The following ANKRD28 variants were observed in gnomAD, a reference collection of about 807,000 sequenced individuals.
ANKRD28 encodes the protein ankyrin repeat domain 28.
In ANKRD28, 44 loss-of-function variants were observed where a neutral mutation model predicts 126.5. That is an observed-to-expected ratio of 0.35 (90% confidence interval 0.27 to 0.45). The LOEUF is 0.45. Ranked by LOEUF, ANKRD28 falls within the 20% of genes least tolerant of loss-of-function variation. The pLI is 1.00. For synonymous variants in ANKRD28, 442 were observed against 468.5 expected (o/e 0.94, Z 0.73); for missense variants, 1,110 against 1,316.6 (o/e 0.84, Z 2.43).
rs148189292 is a variant in ANKRD28, at chr3:15,677,155, C to T, written c.2791-99G>A. ...ATCCTAGTCCATATATTATGTACAA[C>T]ACCATACATATACCATGAATTTTCC... On this transcript the variant is annotated intron_variant, in intron 25 of 27. Transcript: ENST00000683139. The T allele has an allele frequency of 2.1e-4, 193 of 909,944 alleles. No individual in the cohort carries two copies. The African/African-American group carries it at 3.0e-3, about 14-fold the overall frequency. 56.4% of individuals were successfully genotyped at this position (909,944 alleles called of 1,614,324 possible). A position where few individuals can be genotyped will look rare whatever the true frequency, so the allele number is the denominator to read the frequency against.
intron 2 of ANKRD28, among the ~76,000 whole-genome samples, chr3:15,776,679 G>GT (rs1437556160): frequency 6.6e-6 from 1 of 152,156 alleles, no homozygotes; most frequent in Non-Finnish European, 1.5e-5. Context: ...TGCTAATGAT[G>GT]TTCTGTTTTC....
At chr3:15,755,511 C>T (rs1022073264) in intron 3 of ANKRD28, among the ~76,000 whole-genome samples, 2 of 152,130 alleles carry the variant, frequency 1.3e-5, no homozygotes, top group Non-Finnish European at 2.9e-5. Flanking sequence ...TCTATATATT[C>T]ATATATACTT....
chr3:15,726,525 G>C (rs2074175863), intron 6 of ANKRD28, among the ~76,000 whole-genome samples: 1 of 152,212 alleles, frequency 6.6e-6, no homozygotes, highest in Non-Finnish European at 1.5e-5. Flanking sequence ...GGCTGAGAAA[G>C]GTTAGGAAGC....
At chr3:15,719,555 A>G (rs1166212839) in intron 8 of ANKRD28, among the ~76,000 whole-genome samples, 1 of 152,140 alleles carries the variant, frequency 6.6e-6, no homozygotes, top group Non-Finnish European at 1.5e-5. Flanking sequence ...TAGTGAAAGC[A>G]TATTTATTTG....
chr3:15,818,411 G>C (rs1478805522), intron 1 of ANKRD28, among the ~76,000 whole-genome samples: 1 of 152,192 alleles, frequency 6.6e-6, no homozygotes, highest in South Asian at 2.1e-4. Flanking sequence ...TGGGTTACAC[G>C]TATAAGATGT....
At chr3:15,840,566 A>G (rs539097423) in intron 1 of ANKRD28, among the ~76,000 whole-genome samples, 5 of 152,350 alleles carry the variant, frequency 3.3e-5, no homozygotes, top group Middle Eastern at 6.8e-3. Context: ...TGGAACAACA[A>G]AAGACCCAGA....
In ANKRD28 at chr3:15,814,801, C is replaced by T. The variant is rs923454989; in HGVS notation, c.28-19495G>A. The stretch of plus-strand genomic sequence containing the variant: ...ACGCTTTTTGAATATGTAGAACATA[C>T]TCATTTCAGTAATACATAAATTTAA... On this transcript the variant is annotated intron_variant, in intron 1 of 27. Transcript: ENST00000399451. The surrounding 1 kb of genome is among the most constrained non-coding windows in gnomAD (Gnocchi z 4.7). Among the ~76,000 whole-genome samples, 2 of 151,612 alleles carry T rather than the reference C, an allele frequency of 1.3e-5. No individual in the cohort carries two copies. Among genetic ancestry groups the T allele is most frequent in the Admixed American group, 6.6e-5 (1 of 15,214 alleles).
intron 3 of ANKRD28, among the ~76,000 whole-genome samples, chr3:15,765,191 CTGTCTGTCTGCT>C (rs1183923737): frequency 6.6e-6 from 1 of 152,118 alleles, no homozygotes; most frequent in Non-Finnish European, 1.5e-5. Flanking sequence ...TTTCTAAACT[CTGTCTGTCTGCT>C]TGCCTTTTTT....
intron 1 of ANKRD28, among the ~76,000 whole-genome samples, chr3:15,822,661 C>T (rs1219044528): frequency 6.6e-6 from 1 of 151,712 alleles, no homozygotes; most frequent in East Asian, 1.9e-4. Flanking sequence ...AAATCAACTG[C>T]CTTAAATATG....
chr3:15,723,516 G>C (rs532284459), intron 7 of ANKRD28, among the ~76,000 whole-genome samples: 1 of 152,182 alleles, frequency 6.6e-6, no homozygotes, highest in Non-Finnish European at 1.5e-5. Flanking sequence ...GAGTGGGCTG[G>C]GTGTGGTGGC....
chr3:15,747,385 T>C (rs886128700), intron 4 of ANKRD28, among the ~76,000 whole-genome samples: 3 of 152,198 alleles, frequency 2.0e-5, no homozygotes, highest in Non-Finnish European at 4.4e-5. Flanking sequence ...GAGGTTTTGA[T>C]AGGTTGTGCC....
chr3:15,707,900 C>T (rs764572820), intron 14 of ANKRD28, 24 bp downstream of exon 14: 1 of 1,592,994 alleles, frequency 6.3e-7, no homozygotes, highest in Admixed American at 1.7e-5. Flanking sequence ...ATTGATCCTC[C>T]ACTCTCACTC....
intron 16 of ANKRD28, 29 bp from the exon 17 acceptor site, chr3:15,694,842 A>T (rs1267320114): frequency 1.3e-6 from 2 of 1,594,894 alleles, no homozygotes. Flanking sequence ...TTTAAATGTC[A>T]GAAAGACATA....
intron 1 of ANKRD28, among the ~76,000 whole-genome samples, chr3:15,855,477 A>G (rs1324370559): frequency 6.6e-6 from 1 of 152,254 alleles, no homozygotes; most frequent in Non-Finnish European, 1.5e-5. Flanking sequence ...ACTGCTGCAA[A>G]CAAAGTTCAT....
chr3:15,792,051 G>A (rs747244513), intron 2 of ANKRD28, among the ~76,000 whole-genome samples: 1 of 152,118 alleles, frequency 6.6e-6, no homozygotes, highest in Non-Finnish European at 1.5e-5. Context: ...CAGTTAAAAT[G>A]CCTTTTATCC....
chr3:15,696,252 A>G lies in ANKRD28; in HGVS notation c.1548-7T>C. On this transcript the variant is annotated splice_region_variant and splice_polypyrimidine_tract_variant and intron_variant, in intron 14 of 27. Coordinates refer to ENST00000683139, the MANE Select transcript of ANKRD28 (RefSeq NM_001349278.2). ...TAATAAGTATTCCAGGCACCTATATACAACAACAACAACATACTGAAAATC... is the reference window on the plus strand; with the variant it reads ...TAATAAGTATTCCAGGCACCTATATGCAACAACAACAACATACTGAAAATC... 7.2e-7 allele frequency: 1 copy of G among 1,396,028 alleles called. No homozygotes were observed. The highest frequency in any genetic ancestry group is 9.9e-7 in the Non-Finnish European group (1 of 1,006,266). 86.5% of individuals were successfully genotyped at this position (1,396,028 alleles called of 1,614,324 possible).
intron 2 of ANKRD28, among the ~76,000 whole-genome samples, chr3:15,784,470 T>C (rs1250912222): frequency 6.6e-6 from 1 of 151,554 alleles, no homozygotes; most frequent in Non-Finnish European, 1.5e-5. Context: ...ATTAGATTAA[T>C]ATGCATATTG....
At chr3:15,763,732 CAAACAAA>C (rs1258868958) in intron 3 of ANKRD28, among the ~76,000 whole-genome samples, 2 of 151,898 alleles carry the variant, frequency 1.3e-5, no homozygotes, top group African/African-American at 4.8e-5. Flanking sequence ...TAGAGCAGAG[CAAACAAA>C]AAGAGAGTAG....
chr3:15,842,487 T>G (rs1361636127), intron 1 of ANKRD28, among the ~76,000 whole-genome samples: 1 of 151,592 alleles, frequency 6.6e-6, no homozygotes, highest in Non-Finnish European at 1.5e-5. Context: ...TAGAAAAAAA[T>G]AGAAAGAATG....
Sources: gnomAD v4.1 joint callset for allele counts (sites outside exome capture counted in the v4.1 genomes callset) on GRCh38, gnomAD v4.1.1 for gene constraint, Gnocchi (gnomAD v3.1) non-coding constraint, MANE v1.5 for transcripts, NCBI Gene and HGNC (gene_info 2026-07-23, HGNC 2026-07-21) for gene names.